Variants in TENM4 observed in about 807,000 individuals in gnomAD.
The protein encoded by TENM4 is teneurin-4.
TENM4 carries 82 observed loss-of-function variants against 243.3 expected under a neutral mutation model. That is an observed-to-expected ratio of 0.34 (90% CI 0.28 to 0.40). The LOEUF (loss-of-function observed/expected upper bound fraction) is 0.40, where lower values mean the gene tolerates loss of function less well. Among genes scored for constraint, TENM4 ranks in the 10% least tolerant of loss-of-function variants. TENM4 has a pLI of 1.00. For synonymous variants in TENM4, 1,412 were observed against 1,456.3 expected (o/e 0.97, Z 0.69); for missense variants, 3,138 against 3,673.3 (o/e 0.85, Z 3.77).
chr11:78,768,134 C>T (rs1194218835), intron 18 of TENM4, among the ~76,000 whole-genome samples: 1 of 152,220 alleles, frequency 6.6e-6, no homozygotes, highest in East Asian at 1.9e-4. Flanking sequence ...GGGGACAGTC[C>T]ACTCTCTATG....
chr11:79,412,763 G>A (rs369367158), intron 1 of TENM4, among the ~76,000 whole-genome samples: 4 of 152,004 alleles, frequency 2.6e-5, no homozygotes, highest in Admixed American at 1.3e-4. Context: ...TCATGTTTTC[G>A]TGCATGCATC....
At chr11:78,872,103 T>C (rs1055710617) in intron 9 of TENM4, among the ~76,000 whole-genome samples, 2 of 152,054 alleles carry the variant, frequency 1.3e-5, no homozygotes, top group Middle Eastern at 3.2e-3. Context: ...GGATCCAGAA[T>C]TGTCTACAAT....
intron 1 of TENM4, among the ~76,000 whole-genome samples, chr11:79,316,034 C>T (rs967602287): frequency 2.0e-5 from 3 of 152,070 alleles, no homozygotes; most frequent in Non-Finnish European, 4.4e-5. Flanking sequence ...TAAGCAGAAC[C>T]TAAAAAGTAT....
At chr11:79,304,935 C>A (rs1225197547) in intron 1 of TENM4, among the ~76,000 whole-genome samples, 4 of 152,180 alleles carry the variant, frequency 2.6e-5, no homozygotes, top group African/African-American at 9.7e-5. Flanking sequence ...TAAGAGGTTG[C>A]CTCATACTGT....
intron 1 of TENM4, among the ~76,000 whole-genome samples, chr11:79,431,664 C>T (rs558932620): frequency 6.6e-6 from 1 of 152,188 alleles, no homozygotes; most frequent in Non-Finnish European, 1.5e-5. Flanking sequence ...AAAATAGCAG[C>T]ATGAATCAGC....
intron 4 of TENM4, among the ~76,000 whole-genome samples, chr11:79,077,733 A>G (rs1860569376): frequency 6.6e-6 from 1 of 151,854 alleles, no homozygotes; most frequent in Admixed American, 6.6e-5. Flanking sequence ...TTGGAGAGAA[A>G]GCTTGAGAAG....
rs1857871517 is a variant in TENM4, at chr11:78,655,615, G to A, written c.*2443C>T. 1.3e-5 allele frequency: 2 copies of A among 152,422 alleles called. No individual in the cohort carries two copies. Among genetic ancestry groups the A allele is most frequent in the Admixed American group, 6.5e-5 (1 of 15,302 alleles). 9.4% of individuals were successfully genotyped at this position (152,422 alleles called of 1,614,324 possible). On this transcript the variant is annotated 3_prime_UTR_variant, in exon 34 of 34. Coordinates refer to ENST00000278550, the MANE Select transcript of TENM4 (RefSeq NM_001098816.3). Reference sequence around the variant, plus strand: ...ATTCCTTTGGGGAGGGGGCTGTGGAGGAGGGACAGGGCGTGGGGGAAGCGT... The same window carrying A: ...ATTCCTTTGGGGAGGGGGCTGTGGAAGAGGGACAGGGCGTGGGGGAAGCGT...
Position 78,805,413 on chromosome 11 carries a change from G to C in TENM4, c.2058C>G (p.Gly686=). Residue 686 remains glycine, a synonymous_variant, in exon 15 of 34, where the codon GGC becomes GGG. Coordinates refer to ENST00000278550, the MANE Select transcript of TENM4 (RefSeq NM_001098816.3). ...TGGCCCTGGGGGTCTCGCAGTTGGT[G>C]CCTCCCCATCCCACAGAGCAGTGGC... ...GECHCSVGWG[G]TNCETPRATC... 1 of 1,604,620 alleles carries C rather than the reference G, an allele frequency of 6.2e-7. No individual in the cohort carries two copies. Among genetic ancestry groups the C allele is most frequent in the Non-Finnish European group, 8.5e-7 (1 of 1,175,628 alleles).
At position 78,655,996 on chromosome 11, in the gene TENM4, C is replaced by A. The variant is rs569223923; in HGVS notation, c.*2062G>T. Reference sequence around the variant, plus strand: ...CAACCAGTGGACAAGCAGGCCAAAGCGCACTGCTGCAGCAGGGTGGCTTTT... The same window carrying A: ...CAACCAGTGGACAAGCAGGCCAAAGAGCACTGCTGCAGCAGGGTGGCTTTT... On this transcript the variant is annotated 3_prime_UTR_variant, in exon 34 of 34. Coordinates refer to ENST00000278550, the MANE Select transcript of TENM4 (RefSeq NM_001098816.3). The A allele has an allele frequency of 6.6e-6, 1 of 152,206 alleles. No individual in the cohort carries two copies. The highest frequency in any genetic ancestry group is 1.5e-5 in the Non-Finnish European group (1 of 68,078). 9.4% of individuals were successfully genotyped at this position (152,206 alleles called of 1,614,324 possible).
At chr11:79,092,593 G>A (rs1034890134) in intron 4 of TENM4, among the ~76,000 whole-genome samples, 4 of 152,202 alleles carry the variant, frequency 2.6e-5, no homozygotes, top group African/African-American at 9.6e-5. Context: ...GGCCTGGAAA[G>A]GGTTCATGCT....
chr11:78,674,793 C>T (rs1590931055), intron 30 of TENM4, among the ~76,000 whole-genome samples: 1 of 152,052 alleles, frequency 6.6e-6, no homozygotes, highest in South Asian at 2.1e-4. Context: ...CAAACGAAGC[C>T]TGGTTTTCTG....
chr11:79,139,528 TCTAGAA>T lies in TENM4; in HGVS notation c.-66+9176_-66+9181del, dbSNP rs1862219712. On this transcript the variant is annotated intron_variant, in intron 4 of 33. Transcript: ENST00000278550. ...AAATATATAAAATATATATTATATT[TCTAGAA>T]ATATATAAAATATATATTATATTTA... 4.3e-5 allele frequency among the ~76,000 whole-genome samples: 3 copies of T among 69,754 alleles called. 1 individual carries two copies. Among genetic ancestry groups the T allele is most frequent in the Non-Finnish European group, 8.0e-5 (3 of 37,580 alleles). The allele number at this position is 69,754 out of a possible 152,430, so 45.8% of individuals were successfully genotyped here.
intron 1 of TENM4, among the ~76,000 whole-genome samples, chr11:79,306,780 T>C (rs481039): frequency 0.79 from 119,687 of 152,108 alleles, 47,328 homozygotes; most frequent in Middle Eastern, 0.89. Flanking sequence ...GTGGCCTACC[T>C]GAGGCTGCTG....
chr11:78,953,884 G>A (rs1398081224), intron 6 of TENM4, among the ~76,000 whole-genome samples: 7 of 152,148 alleles, frequency 4.6e-5, no homozygotes, highest in Non-Finnish European at 1.0e-4. Context: ...GCCCAGAGAG[G>A]TGAAGCAAAT....
intron 6 of TENM4, among the ~76,000 whole-genome samples, chr11:78,971,114 C>T (rs963389052): frequency 6.6e-6 from 1 of 152,072 alleles, no homozygotes; most frequent in South Asian, 2.1e-4. Context: ...GCCTTGAACT[C>T]CCGGGTTGAG....
intron 12 of TENM4, among the ~76,000 whole-genome samples, chr11:78,849,473 G>A (rs1339489985): frequency 6.6e-6 from 1 of 152,168 alleles, no homozygotes; most frequent in Non-Finnish European, 1.5e-5. Flanking sequence ...TTCTTCATCT[G>A]TAAAGTTGAG....
At position 78,780,564 on chromosome 11, in the gene TENM4, C is replaced by T. The variant is rs60455888; in HGVS notation, c.2366-1936G>A. ...GGATCCAAGTGGTCATAGCTTCCAC[C>T]GTGAGGGAGTTCTCTGATGAAAAAA... On this transcript the variant is annotated intron_variant, in intron 16 of 33. Coordinates refer to ENST00000278550, the MANE Select transcript of TENM4 (RefSeq NM_001098816.3). Among the ~76,000 whole-genome samples the T allele has an allele frequency of 4.4e-3, 663 of 152,130 alleles. 4 individuals are homozygous for T. The highest frequency in any genetic ancestry group is 0.016 in the African/African-American group (648 of 41,490).
chr11:79,066,632 G>A (rs1228390225), intron 5 of TENM4, among the ~76,000 whole-genome samples: 1 of 150,612 alleles, frequency 6.6e-6, no homozygotes, highest in Non-Finnish European at 1.5e-5. Flanking sequence ...GCACACACAT[G>A]AACACACAAG....
At chr11:79,008,936 A>T (rs879430795) in intron 6 of TENM4, among the ~76,000 whole-genome samples, 7 of 152,164 alleles carry the variant, frequency 4.6e-5, no homozygotes, top group Non-Finnish European at 7.4e-5. Context: ...TTTAATATAA[A>T]CATATCTTCT....
Sources: gnomAD v4.1 joint callset for allele counts (sites outside exome capture counted in the v4.1 genomes callset) on GRCh38, gnomAD v4.1.1 for gene constraint, MANE v1.5 for transcripts, NCBI Gene and HGNC (gene_info 2026-07-23, HGNC 2026-07-21) for gene names.